EYS: variants seen among roughly 807,000 people sequenced by gnomAD.
EYS encodes protein eyes shut homolog.
EYS carries 250 observed loss-of-function variants against 282.1 expected under a neutral mutation model. That is an observed-to-expected ratio of 0.89 (90% CI 0.80 to 0.98). The LOEUF (loss-of-function observed/expected upper bound fraction) is 0.98, where lower values mean the gene tolerates loss of function less well. EYS is among the 50% of genes least tolerant of loss of function. The pLI is 0.00. For missense variants in EYS, 4,016 were observed against 3,709.0 expected (o/e 1.08, Z -2.15); for synonymous variants, 1,355 against 1,282.9 (o/e 1.06, Z -1.20).
chr6:65,441,218 T>G (rs2150392461), intron 5 of EYS, among the ~76,000 whole-genome samples: 1 of 151,778 alleles, frequency 6.6e-6, no homozygotes, highest in African/African-American at 2.4e-5. Context: ...ATACTAAATT[T>G]TATGAAATTC....
intron 26 of EYS, among the ~76,000 whole-genome samples, chr6:64,501,202 G>C (rs1427237905): frequency 6.6e-6 from 1 of 151,578 alleles, no homozygotes; most frequent in Admixed American, 6.6e-5. Flanking sequence ...GAATAGCATA[G>C]GGCGTATTGT....
intron 22 of EYS, among the ~76,000 whole-genome samples, chr6:64,808,483 T>A (rs1057370522): frequency 5.9e-5 from 9 of 152,206 alleles, no homozygotes; most frequent in African/African-American, 1.9e-4. Context: ...AGTCCATATA[T>A]AAATCAACTT....
intron 2 of EYS, among the ~76,000 whole-genome samples, chr6:65,519,428 C>T (rs1767264791): frequency 6.7e-6 from 1 of 149,696 alleles, no homozygotes; most frequent in Non-Finnish European, 1.5e-5. Flanking sequence ...ATGATTTTAC[C>T]TTAAACATTA....
At chr6:65,076,740 G>A (rs1345275712) in intron 12 of EYS, among the ~76,000 whole-genome samples, 1 of 151,366 alleles carries the variant, frequency 6.6e-6, no homozygotes, top group Non-Finnish European at 1.5e-5. Context: ...CTCCTCTCAT[G>A]GTAATCTAAG....
intron 31 of EYS, among the ~76,000 whole-genome samples, chr6:64,090,407 C>G (rs1347565497): frequency 6.6e-6 from 1 of 152,044 alleles, no homozygotes; most frequent in South Asian, 2.1e-4. Flanking sequence ...TATTTAAACC[C>G]ATTTTATTAT....
At chr6:65,048,605 T>C (rs1773173772) in intron 13 of EYS, among the ~76,000 whole-genome samples, 1 of 151,880 alleles carries the variant, frequency 6.6e-6, no homozygotes, top group African/African-American at 2.4e-5. Flanking sequence ...TCTAGAACTT[T>C]CTCCTATGCT....
At chr6:65,054,345 C>A (rs1773355454) in intron 13 of EYS, among the ~76,000 whole-genome samples, 1 of 151,950 alleles carries the variant, frequency 6.6e-6, no homozygotes, top group South Asian at 2.1e-4. Context: ...CTTCCATCTT[C>A]TGGCTTTTCT....
At chr6:64,894,494 A>C (rs1476243814) in intron 18 of EYS, among the ~76,000 whole-genome samples, 1 of 152,146 alleles carries the variant, frequency 6.6e-6, no homozygotes, top group Non-Finnish European at 1.5e-5. Context: ...TGTATATAGA[A>C]TGAAATGTAT....
At chr6:64,738,085 G>T (rs1360799303) in intron 22 of EYS, among the ~76,000 whole-genome samples, 1 of 152,064 alleles carries the variant, frequency 6.6e-6, no homozygotes, top group African/African-American at 2.4e-5. Flanking sequence ...GTGTTAGTTT[G>T]TGCAGTATTT....
intron 12 of EYS, among the ~76,000 whole-genome samples, chr6:65,080,917 T>G (rs1053798478): frequency 6.6e-6 from 1 of 152,078 alleles, no homozygotes; most frequent in African/African-American, 2.4e-5. Flanking sequence ...CCTGGTATCT[T>G]TATCTATGTT....
chr6:65,285,975 G>A (rs2150279186), intron 12 of EYS, among the ~76,000 whole-genome samples: 1 of 151,864 alleles, frequency 6.6e-6, no homozygotes, highest in East Asian at 1.9e-4. Flanking sequence ...AGGTTGCCTA[G>A]GTTAACACCA....
At chr6:65,434,933 ATAT>A (rs749460137) in intron 5 of EYS, among the ~76,000 whole-genome samples, 1 of 151,886 alleles carries the variant, frequency 6.6e-6, no homozygotes, top group Non-Finnish European at 1.5e-5. Context: ...AGTATTCTTA[ATAT>A]TTATTATACA....
intron 31 of EYS, among the ~76,000 whole-genome samples, chr6:64,130,953 C>T (rs753540846): frequency 3.3e-5 from 5 of 152,104 alleles, no homozygotes; most frequent in East Asian, 3.9e-4. Context: ...TTGCAACCTC[C>T]GCCTCCTGGG....
intron 26 of EYS, among the ~76,000 whole-genome samples, chr6:64,487,555 A>G (rs1303647701): frequency 6.6e-6 from 1 of 151,058 alleles, no homozygotes; most frequent in African/African-American, 2.4e-5. Context: ...AAGTGTCAAT[A>G]TAAATATTTT....
At chr6:64,748,071 G>C (rs1410174388) in intron 22 of EYS, among the ~76,000 whole-genome samples, 1 of 152,134 alleles carries the variant, frequency 6.6e-6, no homozygotes, top group Non-Finnish European at 1.5e-5. Context: ...TAAGAGTGTG[G>C]AGAACATAGA....
intron 35 of EYS, among the ~76,000 whole-genome samples, chr6:63,974,008 G>C (rs958403665): frequency 5.3e-5 from 8 of 152,004 alleles, no homozygotes; most frequent in Non-Finnish European, 8.8e-5. Flanking sequence ...TCAACCAAAA[G>C]GATTGGTTTG....
chr6:64,397,644 G>C (rs1340991186), intron 28 of EYS, among the ~76,000 whole-genome samples: 2 of 151,800 alleles, frequency 1.3e-5, no homozygotes, highest in African/African-American at 4.8e-5. Flanking sequence ...ATGGTATTTG[G>C]CTAATTGTGT....
At chr6:65,344,470 A>C (rs968095308) in intron 9 of EYS, among the ~76,000 whole-genome samples, 1 of 151,606 alleles carries the variant, frequency 6.6e-6, no homozygotes, top group African/African-American at 2.4e-5. Flanking sequence ...TAATAATTAT[A>C]AGAAAGGATG....
chr6:64,132,552 A>T (rs969852290), intron 31 of EYS, among the ~76,000 whole-genome samples: 8 of 152,002 alleles, frequency 5.3e-5, no homozygotes, highest in African/African-American at 1.9e-4. Flanking sequence ...ATTCAACATT[A>T]TAAATCTGAG....
Sources: gnomAD v4.1 joint callset for allele counts (sites outside exome capture counted in the v4.1 genomes callset) on GRCh38, gnomAD v4.1.1 for gene constraint, MANE v1.5 for transcripts, NCBI Gene and HGNC (gene_info 2026-07-23, HGNC 2026-07-21) for gene names.